MED15: variants seen among roughly 807,000 people sequenced by gnomAD.
MED15 encodes mediator of RNA polymerase II transcription subunit 15.
A neutral mutation model predicts 118.7 loss-of-function variants in MED15; 41 were observed. The ratio of observed to expected loss-of-function variants is 0.35; its 90% CI spans 0.27 to 0.45. The LOEUF (loss-of-function observed/expected upper bound fraction) is 0.45, where lower values mean the gene tolerates loss of function less well. Among genes scored for constraint, MED15 ranks in the 20% least tolerant of loss-of-function variants. The pLI, the probability that MED15 is intolerant of heterozygous loss-of-function variation, is 1.00. For missense variants in MED15, 740 were observed against 1,025.5 expected, an observed-to-expected ratio of 0.72 and a Z score of 3.80; for synonymous variants, 436 against 413.9, an observed-to-expected ratio of 1.05 and a Z score of -0.65.
chr22:20,520,110 G>A (rs963631902), intron 1 of MED15, among the ~76,000 whole-genome samples: 1 of 152,164 alleles, frequency 6.6e-6, no homozygotes, highest in African/African-American at 2.4e-5. Context: ...TGGGCCAAAG[G>A]CAGGGGACCA....
rs576939493 is a variant in MED15 at position 20,529,783 on chromosome 22, G to T, written c.69-7334G>T. On this transcript the variant is annotated intron_variant, in intron 1 of 17. Coordinates refer to ENST00000263205, the MANE Select transcript of MED15 (RefSeq NM_001003891.3). Reference sequence around the variant, plus strand: ...CCTTTTGTATTTTTAGTAGGGATGGGGTTTCACCATGTTGGCCAGTCTGGT... The same window carrying T: ...CCTTTTGTATTTTTAGTAGGGATGGTGTTTCACCATGTTGGCCAGTCTGGT... Among the ~76,000 whole-genome samples, 282 of 152,196 alleles carry T rather than the reference G, an allele frequency of 1.9e-3. 1 individual carries two copies. The highest frequency in any genetic ancestry group is 6.5e-3 in the African/African-American group (272 of 41,538).
intron 5 of MED15, among the ~76,000 whole-genome samples, chr22:20,556,385 T>G (rs2056007414): frequency 6.6e-6 from 1 of 151,900 alleles, no homozygotes; most frequent in Non-Finnish European, 1.5e-5. Context: ...CACTGCAACT[T>G]CTGCCTTCCG....
intron 1 of MED15, among the ~76,000 whole-genome samples, chr22:20,523,478 T>G (rs2054531342): frequency 6.6e-6 from 1 of 152,130 alleles, no homozygotes; most frequent in Non-Finnish European, 1.5e-5. Context: ...CACCCACCCT[T>G]CCTCATCACC....
chr22:20,584,301 T>C, intron 13 of MED15, 58 bp from the exon 14 acceptor site: 5 of 1,568,606 alleles, frequency 3.2e-6, no homozygotes, highest in Non-Finnish European at 4.4e-6. Context: ...GTTGGGATCC[T>C]GAGCCTGAGA....
At chr22:20,565,810 A>C (rs1387982934) in intron 6 of MED15, among the ~76,000 whole-genome samples, 1 of 152,232 alleles carries the variant, frequency 6.6e-6, no homozygotes, top group Non-Finnish European at 1.5e-5. Flanking sequence ...CCTAGCTTCC[A>C]TGGAGCTGTA....
chr22:20,580,421 A>G (rs891738690), intron 9 of MED15, among the ~76,000 whole-genome samples: 9 of 152,124 alleles, frequency 5.9e-5, no homozygotes, highest in Non-Finnish European at 1.2e-4. Flanking sequence ...AGAGCTGACC[A>G]TCTTCTAGAA....
intron 5 of MED15, among the ~76,000 whole-genome samples, chr22:20,559,105 A>G (rs755999907): frequency 2.6e-5 from 4 of 152,096 alleles, no homozygotes; most frequent in South Asian, 2.1e-4. Flanking sequence ...ATGGTGAACT[A>G]TCATTGCACC....
At chr22:20,578,569 TGTCA>T (rs1353697368) in intron 9 of MED15, among the ~76,000 whole-genome samples, 3 of 152,314 alleles carry the variant, frequency 2.0e-5, no homozygotes, top group Admixed American at 1.3e-4. Context: ...TCTGCTTTTG[TGTCA>T]GTATCTTTCA....
chr22:20,517,118 G>T (rs1351144990), intron 1 of MED15, among the ~76,000 whole-genome samples: 7 of 142,294 alleles, frequency 4.9e-5, no homozygotes, highest in African/African-American at 7.9e-5. Flanking sequence ...TTTTTTTTTT[G>T]GTAGAGACCA....
chr22:20,536,351 G>A (rs1480862780), intron 1 of MED15, among the ~76,000 whole-genome samples: 1 of 151,208 alleles, frequency 6.6e-6, no homozygotes, highest in African/African-American at 2.4e-5. Flanking sequence ...AGTGTGGGAG[G>A]TGGGGGTGGG....
At chr22:20,546,577 T>A (rs985485004) in intron 2 of MED15, among the ~76,000 whole-genome samples, 2 of 138,270 alleles carry the variant, frequency 1.4e-5, no homozygotes, top group Non-Finnish European at 3.0e-5. Flanking sequence ...TTTGAAACCC[T>A]GTGTGTTCAG....
intron 9 of MED15, among the ~76,000 whole-genome samples, chr22:20,580,942 G>A (rs548981542): frequency 8.5e-5 from 13 of 152,334 alleles, no homozygotes; most frequent in East Asian, 7.7e-4. Flanking sequence ...CCGGCAGGCC[G>A]AGGCTGGGGC....
Position 20,566,609 on chromosome 22 carries a change from C to T in MED15, c.833C>T (p.Pro278Leu). Residue 278 changes from proline (P) to leucine (L), a missense_variant, in exon 7 of 18, where the codon CCA becomes CTA. Coordinates refer to ENST00000263205, the MANE Select transcript of MED15 (RefSeq NM_001003891.3). ...ATTCAGCAGCCACCGATGCAGCAGCCACAGCCTCCGCCCTCCCAGGCTCTG... is the reference window on the plus strand; with the variant it reads ...ATTCAGCAGCCACCGATGCAGCAGCTACAGCCTCCGCCCTCCCAGGCTCTG... ...PPIQQPPMQQ[P>L]QPPPSQALPQ... The T allele has an allele frequency of 1.2e-6, 2 of 1,614,026 alleles. No individual in the cohort carries two copies. Among genetic ancestry groups the T allele is most frequent in the Non-Finnish European group, 1.7e-6 (2 of 1,179,958 alleles).
Position 20,566,577 on chromosome 22 carries a change from G to A in MED15, c.801G>A (p.Gln267=). The change falls in exon 7 of 18, where the codon CAG becomes CAA. Residue 267 remains glutamine, a synonymous_variant. Transcript: ENST00000263205. ...AGCAGCAGCAGGCTTTGCAGGCCCA[G>A]CCACCAATTCAGCAGCCACCGATGC... ...QQQQQQALQA[Q]PPIQQPPMQQ... is the part of the protein sequence containing the mutation. 6.2e-7 allele frequency: 1 copy of A among 1,613,460 alleles called. No individual in the cohort carries two copies. Among genetic ancestry groups the A allele is most frequent in the Non-Finnish European group, 8.5e-7 (1 of 1,179,794 alleles).
intron 2 of MED15, among the ~76,000 whole-genome samples, chr22:20,544,826 C>T (rs953040016): frequency 6.6e-6 from 1 of 152,172 alleles, no homozygotes; most frequent in African/African-American, 2.4e-5. Context: ...TACTCCTTGG[C>T]TTGTGGCTGT....
intron 5 of MED15, among the ~76,000 whole-genome samples, chr22:20,557,828 TG>T (rs2056078214): frequency 6.6e-6 from 1 of 152,164 alleles, no homozygotes; most frequent in Non-Finnish European, 1.5e-5. Flanking sequence ...CAGTGGGGGC[TG>T]GGCACGGTGG....
chr22:20,556,741 C>A (rs2056026690), intron 5 of MED15, among the ~76,000 whole-genome samples: 1 of 152,220 alleles, frequency 6.6e-6, no homozygotes, highest in Non-Finnish European at 1.5e-5. Context: ...AACCAACTCT[C>A]TTGTGTTACC....
At chr22:20,573,553 T>C (rs1164080857) in intron 8 of MED15, 1 of 152,086 alleles carries the variant, frequency 6.6e-6, no homozygotes, top group African/African-American at 2.4e-5. Context: ...TCTGGGTAGA[T>C]GTGTGTTGGG....
chr22:20,530,072 G>C (rs2054799954), intron 1 of MED15, among the ~76,000 whole-genome samples: 1 of 152,066 alleles, frequency 6.6e-6, no homozygotes, highest in African/African-American at 2.4e-5. Context: ...TATAGTGTCT[G>C]CTTCTGGTGA....
Sources: allele counts gnomAD v4.1 joint callset (sites outside exome capture counted in the v4.1 genomes callset), GRCh38; gene constraint gnomAD v4.1.1; transcripts MANE v1.5; gene names NCBI Gene and HGNC (gene_info 2026-07-23, HGNC 2026-07-21).